Variants in NEGR1 observed in about 807,000 individuals in gnomAD.
NEGR1 encodes the protein IgLON family member 4.
NEGR1 carries 10 observed loss-of-function variants against 40.9 expected under a neutral mutation model. That is an observed-to-expected ratio of 0.24 (90% CI 0.15 to 0.42). The LOEUF is 0.42. Among genes scored for constraint, NEGR1 ranks in the 10% least tolerant of loss-of-function variants. The pLI is 1.00. For missense variants in NEGR1, 352 were observed against 438.9 expected (o/e 0.80, Z 1.77); for synonymous variants, 185 against 166.8 (o/e 1.11, Z -0.84).
chr1:71,797,198 C>A (rs1022389366), intron 2 of NEGR1, among the ~76,000 whole-genome samples: 2 of 152,094 alleles, frequency 1.3e-5, no homozygotes, highest in Non-Finnish European at 2.9e-5. Context: ...CCTCGCAGTA[C>A]CACACAGTCA....
intron 6 of NEGR1, among the ~76,000 whole-genome samples, chr1:71,443,986 A>G (rs551962905): frequency 6.6e-6 from 1 of 152,290 alleles, no homozygotes; most frequent in South Asian, 2.1e-4. Context: ...AGCCTAATTG[A>G]TTTATATGAT....
At chr1:71,980,549 C>T (rs934644666) in intron 1 of NEGR1, among the ~76,000 whole-genome samples, 56 of 152,154 alleles carry the variant, frequency 3.7e-4, no homozygotes, top group Admixed American at 3.3e-3. Flanking sequence ...TGGAACACAG[C>T]ATGTGGGAAA....
chr1:71,718,926 C>T (rs548716988), intron 3 of NEGR1, among the ~76,000 whole-genome samples: 2 of 152,076 alleles, frequency 1.3e-5, no homozygotes, highest in Non-Finnish European at 2.9e-5. Flanking sequence ...AAACTTCAGC[C>T]AAGTCTAAAG....
intron 2 of NEGR1, among the ~76,000 whole-genome samples, chr1:71,866,163 A>G (rs1009354616): frequency 2.6e-5 from 4 of 152,088 alleles, no homozygotes; most frequent in Non-Finnish European, 5.9e-5. Context: ...GGCAAGTAAA[A>G]TGTCCATAGA....
intron 1 of NEGR1, among the ~76,000 whole-genome samples, chr1:72,083,250 C>T (rs1648076232): frequency 1.3e-5 from 2 of 151,960 alleles, no homozygotes; most frequent in African/African-American, 4.8e-5. Context: ...TCTTCCATCC[C>T]TTCCTGCCTG....
At chr1:71,816,818 T>G (rs1395052186) in intron 2 of NEGR1, among the ~76,000 whole-genome samples, 1 of 151,968 alleles carries the variant, frequency 6.6e-6, no homozygotes, top group East Asian at 1.9e-4. Context: ...TATTCCTGGT[T>G]CTATCAAAGG....
intron 4 of NEGR1, among the ~76,000 whole-genome samples, chr1:71,676,289 G>T (rs993746763): frequency 6.6e-6 from 1 of 151,912 alleles, no homozygotes; most frequent in Non-Finnish European, 1.5e-5. Flanking sequence ...GAGGTTTTGT[G>T]GTTTAATTAT....
chr1:71,990,839 G>A (rs944393042), intron 1 of NEGR1, among the ~76,000 whole-genome samples: 4 of 151,116 alleles, frequency 2.6e-5, no homozygotes, highest in Admixed American at 1.3e-4. Context: ...AGCTCAATCC[G>A]TAAACACATT....
intron 6 of NEGR1, chr1:71,486,960 G>GTTT (rs1333024248): frequency 6.6e-6 from 1 of 151,424 alleles, no homozygotes; most frequent in African/African-American, 2.4e-5. Flanking sequence ...AGAGAACTGT[G>GTTT]TTTACTTGAT....
At chr1:71,822,464 A>G (rs900592093) in intron 2 of NEGR1, among the ~76,000 whole-genome samples, 2 of 151,974 alleles carry the variant, frequency 1.3e-5, no homozygotes, top group Admixed American at 1.3e-4. Flanking sequence ...AGTGTCTATG[A>G]TGTCAAATAT....
chr1:71,724,893 A>G (rs920885378), intron 3 of NEGR1, among the ~76,000 whole-genome samples: 4 of 151,546 alleles, frequency 2.6e-5, no homozygotes, highest in African/African-American at 4.9e-5. Flanking sequence ...AGTCAGCTTT[A>G]TCTCCTTTCT....
intron 5 of NEGR1, among the ~76,000 whole-genome samples, chr1:71,605,103 CA>C (rs1285587545): frequency 6.6e-6 from 1 of 151,774 alleles, no homozygotes; most frequent in Non-Finnish European, 1.5e-5. Flanking sequence ...TAAAAAATTC[CA>C]AAAAAGCACT....
intron 1 of NEGR1, among the ~76,000 whole-genome samples, chr1:72,032,795 G>C (rs956768178): frequency 2.6e-5 from 4 of 152,024 alleles, no homozygotes; most frequent in African/African-American, 9.7e-5. Context: ...TCTTGGTGAG[G>C]TCACTTCCTA....
At chr1:71,904,406 A>G (rs760546870) in intron 2 of NEGR1, among the ~76,000 whole-genome samples, 1 of 152,100 alleles carries the variant, frequency 6.6e-6, no homozygotes, top group Non-Finnish European at 1.5e-5. Context: ...ATGATACTAT[A>G]CATCACTATC....
intron 6 of NEGR1, chr1:71,461,847 G>C (rs1222007387): frequency 2.6e-5 from 4 of 152,164 alleles, no homozygotes; most frequent in Non-Finnish European, 5.9e-5. Flanking sequence ...CTGTGAAGTA[G>C]GCATTGTTAT....
intron 1 of NEGR1, among the ~76,000 whole-genome samples, chr1:72,019,811 T>C (rs1357955198): frequency 5.3e-5 from 8 of 152,242 alleles, no homozygotes. Flanking sequence ...GTTTGTTTCA[T>C]CATCTGTACT....
chr1:72,062,169 G>C (rs962944191), intron 1 of NEGR1, among the ~76,000 whole-genome samples: 5 of 151,788 alleles, frequency 3.3e-5, no homozygotes, highest in Non-Finnish European at 5.9e-5. Flanking sequence ...CTATACCTAA[G>C]AAGTATGAAA....
At chr1:71,580,824 G>A (rs997390248) in intron 6 of NEGR1, among the ~76,000 whole-genome samples, 1 of 152,064 alleles carries the variant, frequency 6.6e-6, no homozygotes, top group Admixed American at 6.5e-5. Flanking sequence ...TATGTAATTT[G>A]TCTAGAGTCA....
intron 6 of NEGR1, among the ~76,000 whole-genome samples, chr1:71,461,984 G>A (rs1438197825): frequency 3.3e-5 from 5 of 152,200 alleles, no homozygotes; most frequent in Middle Eastern, 3.4e-3. Flanking sequence ...AGTGGGATTC[G>A]AACCCTGCTC....
Sources: gnomAD v4.1 joint callset for allele counts (sites outside exome capture counted in the v4.1 genomes callset) on GRCh38, gnomAD v4.1.1 for gene constraint, MANE v1.5 for transcripts, NCBI Gene and HGNC (gene_info 2026-07-23, HGNC 2026-07-21) for gene names.